Variants in MAPK9 observed in about 807,000 individuals in gnomAD.
MAPK9 encodes the protein mitogen-activated protein kinase 9.
A neutral mutation model predicts 57.1 loss-of-function variants in MAPK9; 30 were observed. That is an observed-to-expected ratio of 0.53 (90% CI 0.39 to 0.71). The LOEUF (loss-of-function observed/expected upper bound fraction) is 0.71. Among genes scored for constraint, MAPK9 ranks in the 30% least tolerant of loss-of-function variants. MAPK9 has a pLI of 0.00. For missense variants in MAPK9, 362 were observed against 521.0 expected (o/e 0.69, Z 2.97); for synonymous variants, 155 against 177.0 (o/e 0.88, Z 0.99).
chr5:180,273,020 T>G (rs1761486965), intron 2 of MAPK9, among the ~76,000 whole-genome samples: 1 of 152,226 alleles, frequency 6.6e-6, no homozygotes, highest in Non-Finnish European at 1.5e-5. Context: ...GAGCTGCCTC[T>G]GGGTGGTTCC....
At position 180,281,832 on chromosome 5, in the gene MAPK9, TC is replaced by T. The variant is rs548366739; in HGVS notation, c.-47-1225del. 6.6e-5 allele frequency among the ~76,000 whole-genome samples: 10 copies of T among 152,368 alleles called. No individual in the cohort carries two copies. The East Asian group carries it at 1.3e-3, about 21-fold the overall frequency. On this transcript the variant is annotated intron_variant, in intron 1 of 11. Transcript: ENST00000452135. Reference sequence around the variant, plus strand: ...GTGGTGGCTGCAGTGTGGCTGCCACTCTGACCACTCCTGCCGAGGTGTGTTA... The same window carrying T: ...GTGGTGGCTGCAGTGTGGCTGCCACTTGACCACTCCTGCCGAGGTGTGTTA...
intron 5 of MAPK9, among the ~76,000 whole-genome samples, chr5:180,257,503 G>A (rs1391758804): frequency 6.6e-6 from 1 of 152,232 alleles, no homozygotes; most frequent in Non-Finnish European, 1.5e-5. Context: ...GGAATGCTAA[G>A]AATATCTATT....
At chr5:180,238,657 G>A (rs986496762) in intron 10 of MAPK9, among the ~76,000 whole-genome samples, 6 of 137,612 alleles carry the variant, frequency 4.4e-5, no homozygotes, top group African/African-American at 1.6e-4. Context: ...CATCCAGGCT[G>A]GAGTACAGTG....
At position 180,268,447 on chromosome 5, in the gene MAPK9, T is replaced by C. The variant is rs139617137; in HGVS notation, c.252+833A>G. ...CTATTTTATAGAAACAGAGTATCAA[T>C]TGATATTCCTACTTTGGTTAAGTGA... is the stretch of plus-strand genomic sequence containing the variant. On this transcript the variant is annotated intron_variant, in intron 3 of 11. Coordinates refer to ENST00000452135, the MANE Select transcript of MAPK9 (RefSeq NM_002752.5). Among the ~76,000 whole-genome samples, 289 of 152,364 alleles carry C rather than the reference T, an allele frequency of 1.9e-3. 1 individual carries two copies. Among genetic ancestry groups the C allele is most frequent in the African/African-American group, 6.1e-3 (255 of 41,588 alleles).
rs767361957 is a variant in MAPK9, at chr5:180,242,751, A to G, written c.693T>C (p.Ile231=). 1.2e-6 allele frequency: 2 copies of G among 1,611,650 alleles called. No homozygotes were observed. Among genetic ancestry groups the G allele is most frequent in the Admixed American group, 3.4e-5 (2 of 59,652 alleles). Residue 231 remains isoleucine, a synonymous_variant, in exon 8 of 12, where the codon ATT becomes ATC. Coordinates refer to ENST00000452135, the MANE Select transcript of MAPK9 (RefSeq NM_002752.5). ...GCTCAATAACTTTATTCCACTGATC[A>G]ATATCTAAGGAGTTTCTTGAGGAAA... ...GCVIFQGTDH[I]DQWNKVIEQL... is the part of the protein sequence containing the mutation.
In MAPK9 at chr5:180,280,338, G is replaced by A. The variant is rs978699584; in HGVS notation, c.122+102C>T. 2.2e-4 allele frequency: 293 copies of A among 1,318,306 alleles called. 1 individual carries two copies. Among genetic ancestry groups the A allele is most frequent in the Middle Eastern group, 4.3e-4 (2 of 4,694 alleles). The allele number at this position is 1,318,306 out of a possible 1,614,324, so 81.7% of individuals were successfully genotyped here. A position where few individuals can be genotyped will look rare whatever the true frequency, so the allele number is the denominator to read the frequency against. On this transcript the variant is annotated intron_variant, in intron 2 of 11. Coordinates refer to ENST00000452135, the MANE Select transcript of MAPK9 (RefSeq NM_002752.5). ...ATTTAGCTCATAAACCTATAACAGA[G>A]TTTTTTTTTTAATCATCAATGTTTC...
intron 3 of MAPK9, among the ~76,000 whole-genome samples, chr5:180,267,901 C>T (rs554993839): frequency 2.6e-5 from 4 of 152,202 alleles, no homozygotes; most frequent in South Asian, 2.1e-4. Flanking sequence ...CTCGCTCTGT[C>T]GCCCAGGCTG....
intron 2 of MAPK9, chr5:180,279,921 G>A: frequency 2.2e-6 from 1 of 456,662 alleles, no homozygotes; most frequent in South Asian, 1.5e-5. Context: ...CACCAAGGAA[G>A]AGATGGCCAG....
chr5:180,275,253 T>A (rs895240069), intron 2 of MAPK9, among the ~76,000 whole-genome samples: 3 of 152,180 alleles, frequency 2.0e-5, no homozygotes, highest in African/African-American at 7.2e-5. Context: ...TGCTGTCTTC[T>A]TCCACAAAGA....
At chr5:180,279,857 A>G (rs1345126226) in intron 2 of MAPK9, 3 of 456,558 alleles carry the variant, frequency 6.6e-6, no homozygotes, top group African/African-American at 2.0e-5. Context: ...ACTAACGTTC[A>G]GGGTCAGACT....
chr5:180,250,360 G>A (rs1300415525), intron 5 of MAPK9, among the ~76,000 whole-genome samples: 1 of 152,074 alleles, frequency 6.6e-6, no homozygotes, highest in Non-Finnish European at 1.5e-5. Flanking sequence ...TTTGCCTGGG[G>A]ACTTCGGCCT....
chr5:180,238,078 T>G, intron 11 of MAPK9: 1 of 267,906 alleles, frequency 3.7e-6, no homozygotes, highest in Non-Finnish European at 7.2e-6. Flanking sequence ...GAGACCAGCT[T>G]GGCCAATATG....
At chr5:180,286,135 T>C (rs1389780778) in intron 1 of MAPK9, among the ~76,000 whole-genome samples, 1 of 144,112 alleles carries the variant, frequency 6.9e-6, no homozygotes, top group African/African-American at 2.6e-5. Context: ...TGTAATTCTT[T>C]ATTCTTTCTT....
chr5:180,252,414 C>T (rs1453054503), intron 5 of MAPK9, among the ~76,000 whole-genome samples: 1 of 152,168 alleles, frequency 6.6e-6, no homozygotes, highest in Non-Finnish European at 1.5e-5. Context: ...ATCCATGCAG[C>T]TTCTTCAAGG....
At chr5:180,267,373 A>C (rs1359147078) in intron 3 of MAPK9, among the ~76,000 whole-genome samples, 2 of 151,858 alleles carry the variant, frequency 1.3e-5, no homozygotes, top group Non-Finnish European at 2.9e-5. Context: ...CATCCTGGCT[A>C]ACATGGTGAA....
chr5:180,242,676 C>T lies in MAPK9; in HGVS notation c.768G>A (p.Val256=). Residue 256 remains valine, a synonymous_variant, in exon 8 of 12, where the codon GTG becomes GTA. Coordinates refer to ENST00000452135, the MANE Select transcript of MAPK9 (RefSeq NM_002752.5). ...AEFMKKLQPT[V]RNYVENRPKY... ...TTGGTCTGTTTTCGACATAATTCCTCACAGTTGGCTGAAGTTTCTTCATGA... is the reference window on the plus strand; with the variant it reads ...TTGGTCTGTTTTCGACATAATTCCTTACAGTTGGCTGAAGTTTCTTCATGA... 1 of 1,614,166 alleles carries T rather than the reference C, an allele frequency of 6.2e-7. No individual in the cohort carries two copies. Among genetic ancestry groups the T allele is most frequent in the Non-Finnish European group, 8.5e-7 (1 of 1,179,996 alleles).
intron 1 of MAPK9, among the ~76,000 whole-genome samples, chr5:180,285,402 A>G (rs1047256244): frequency 5.3e-5 from 8 of 152,156 alleles, no homozygotes; most frequent in Non-Finnish European, 1.0e-4. Context: ...AGTCCTGCAC[A>G]TTTCACCTTG....
Position 180,264,921 on chromosome 5 carries a change from G to C in MAPK9, c.253-82C>G, listed in dbSNP as rs184045712. 713 of 1,150,050 alleles carry C rather than the reference G, an allele frequency of 6.2e-4. 7 individuals are homozygous for C. The highest frequency in any genetic ancestry group is 5.2e-5 in the Non-Finnish European group (44 of 853,256). The allele number at this position is 1,150,050 out of a possible 1,614,324, so 71.2% of individuals were successfully genotyped here. ...TAAGTTTAATATTGAAATGCATTAA[G>C]ACGGGAAAAAAATCACAGCAGAATT... On this transcript the variant is annotated intron_variant, in intron 3 of 11. Coordinates refer to ENST00000452135, the MANE Select transcript of MAPK9 (RefSeq NM_002752.5).
At chr5:180,266,660 C>T (rs1322627382) in intron 3 of MAPK9, among the ~76,000 whole-genome samples, 1 of 151,624 alleles carries the variant, frequency 6.6e-6, no homozygotes, top group Non-Finnish European at 1.5e-5. Context: ...GTTTTGTTGC[C>T]CAGGTGTGCC....
Sources: allele counts gnomAD v4.1 joint callset (sites outside exome capture counted in the v4.1 genomes callset), GRCh38; gene constraint gnomAD v4.1.1; transcripts MANE v1.5; gene names NCBI Gene and HGNC (gene_info 2026-07-23, HGNC 2026-07-21).